The following EFNA5 variants were observed in gnomAD, a reference collection of about 807,000 sequenced individuals.
The protein encoded by EFNA5 is ephrin A5.
EFNA5 carries 5 observed loss-of-function variants against 22.9 expected under a neutral mutation model. That is an observed-to-expected ratio of 0.22 (90% CI 0.11 to 0.46). EFNA5 has a LOEUF of 0.46. Ranked by LOEUF, EFNA5 falls within the 20% of genes least tolerant of loss-of-function variation. The pLI is 0.99. For missense variants in EFNA5, 237 were observed against 293.3 expected, an observed-to-expected ratio of 0.81 and a Z score of 1.40; for synonymous variants, 113 against 112.2, an observed-to-expected ratio of 1.01 and a Z score of -0.04.
chr5:107,502,390 G>A (rs776733743), intron 1 of EFNA5, among the ~76,000 whole-genome samples: 3 of 152,094 alleles, frequency 2.0e-5, no homozygotes, highest in Non-Finnish European at 4.4e-5. Context: ...ACTGTTCCTC[G>A]ACATTCTGAA....
chr5:107,659,706 T>C (rs1043619509), intron 1 of EFNA5, among the ~76,000 whole-genome samples: 6 of 151,806 alleles, frequency 4.0e-5, no homozygotes, highest in African/African-American at 7.3e-5. Context: ...GCAAAAGACG[T>C]AATGATAATA....
chr5:107,613,991 A>T (rs1561449759), intron 1 of EFNA5, among the ~76,000 whole-genome samples: 1 of 152,180 alleles, frequency 6.6e-6, no homozygotes, highest in Non-Finnish European at 1.5e-5. Context: ...AAATCCTAAA[A>T]GCAGTTTATC....
In EFNA5 at chr5:107,505,173, C is replaced by T. The variant is rs114214540; in HGVS notation, c.126-77664G>A. Among the ~76,000 whole-genome samples, 1,049 of 152,162 alleles carry T rather than the reference C, an allele frequency of 6.9e-3. 16 individuals carry two copies. Among genetic ancestry groups the T allele is most frequent in the African/African-American group, 0.024 (987 of 41,530 alleles). On this transcript the variant is annotated intron_variant, in intron 1 of 4. Transcript: ENST00000333274. Reference sequence around the variant, plus strand: ...CTGTTATATGTTAAGTAAAAATATTCGTAGTTTATAATTTGTGAAGCAGTA... The same window carrying T: ...CTGTTATATGTTAAGTAAAAATATTTGTAGTTTATAATTTGTGAAGCAGTA...
intron 1 of EFNA5, among the ~76,000 whole-genome samples, chr5:107,646,816 T>G (rs1750640611): frequency 6.6e-6 from 1 of 152,254 alleles, no homozygotes; most frequent in East Asian, 1.9e-4. Flanking sequence ...ACAAATAAAT[T>G]TTTTTAAAGC....
chr5:107,607,922 C>T lies in EFNA5; in HGVS notation c.125+62567G>A, dbSNP rs972976945. Among the ~76,000 whole-genome samples the T allele has an allele frequency of 3.3e-5, 5 of 152,248 alleles. No individual in the cohort carries two copies. In the East Asian group the frequency reaches 9.7e-4, roughly 29 times the overall value. On this transcript the variant is annotated intron_variant, in intron 1 of 4. Transcript: ENST00000333274. ...CTCTCATAACCTTCCAAAGCTGCCA[C>T]CTTCACAATAAAATGCAGATAAGCT...
chr5:107,426,818 G>A (rs1748820955), intron 2 of EFNA5, among the ~76,000 whole-genome samples: 2 of 152,158 alleles, frequency 1.3e-5, no homozygotes, highest in Admixed American at 6.5e-5. Context: ...CTGAAAATGT[G>A]GAAGATTGAA....
At chr5:107,476,057 T>TGTATACATATATATA in intron 1 of EFNA5, among the ~76,000 whole-genome samples, 2 of 100,436 alleles carry the variant, frequency 2.0e-5, no homozygotes, top group African/African-American at 1.0e-4. Context: ...TATATATATA[T>TGTATACATATATATA]TTTTTTTTTT....
intron 1 of EFNA5, among the ~76,000 whole-genome samples, chr5:107,507,330 T>C (rs1470763278): frequency 3.3e-5 from 5 of 152,196 alleles, no homozygotes. Flanking sequence ...CCTCTGCTGT[T>C]TTTCATAAAG....
chr5:107,450,543 C>A (rs932140190), intron 1 of EFNA5, among the ~76,000 whole-genome samples: 20 of 152,318 alleles, frequency 1.3e-4, no homozygotes, highest in Admixed American at 1.2e-3. Flanking sequence ...TGCTCAGTAA[C>A]TCCAATGTTT....
chr5:107,621,837 A>G (rs1201421918), intron 1 of EFNA5, among the ~76,000 whole-genome samples: 1 of 152,208 alleles, frequency 6.6e-6, no homozygotes, highest in African/African-American at 2.4e-5. Flanking sequence ...GTTGCTATTA[A>G]CATAAAAGAA....
chr5:107,661,304 C>T (rs1750954898), intron 1 of EFNA5, among the ~76,000 whole-genome samples: 1 of 152,116 alleles, frequency 6.6e-6, no homozygotes, highest in South Asian at 2.1e-4. Flanking sequence ...CATCCGGAAG[C>T]CACAAAAGCT....
In EFNA5 at chr5:107,661,069, TAAAAG is replaced by T. The variant is rs1490805113; in HGVS notation, c.125+9415_125+9419del. Among the ~76,000 whole-genome samples, 4 of 144,820 alleles carry T rather than the reference TAAAAG, an allele frequency of 2.8e-5. No individual in the cohort carries two copies. In the Admixed American group the frequency reaches 2.8e-4, roughly 10 times the overall value. ...ACTGGCGAGATTGCAGAGCAGAGGC[TAAAAG>T]AAAAGGCCTTTAACAAAACCACTGC... is the stretch of plus-strand genomic sequence containing the variant. On this transcript the variant is annotated intron_variant, in intron 1 of 4. Transcript: ENST00000333274.
At chr5:107,450,195 T>A (rs1451355936) in intron 1 of EFNA5, among the ~76,000 whole-genome samples, 1 of 152,080 alleles carries the variant, frequency 6.6e-6, no homozygotes, top group Non-Finnish European at 1.5e-5. Context: ...CACACAAAAA[T>A]TTTTTGGTCA....
chr5:107,521,976 A>C lies in EFNA5; in HGVS notation c.126-94467T>G, dbSNP rs571482443. ...CTGGATTAGTTAGGACTACAGGTAC[A>C]CCATCTTGCTAGGCATTTTATGCTT... On this transcript the variant is annotated intron_variant, in intron 1 of 4. Transcript: ENST00000333274. Among the ~76,000 whole-genome samples the C allele has an allele frequency of 2.4e-4, 37 of 152,248 alleles. No homozygotes were observed. In the South Asian group the frequency reaches 6.9e-3, roughly 28 times the overall value.
chr5:107,455,067 C>T (rs146956081), intron 1 of EFNA5, among the ~76,000 whole-genome samples: 1 of 152,196 alleles, frequency 6.6e-6, no homozygotes, highest in Non-Finnish European at 1.5e-5. Flanking sequence ...AAACCCTCAA[C>T]TGGTGCCTCC....
rs143994041 is a variant in EFNA5 at position 107,472,403 on chromosome 5, T to C, written c.126-44894A>G. Among the ~76,000 whole-genome samples, 1,000 of 152,282 alleles carry C rather than the reference T, an allele frequency of 6.6e-3. 8 individuals carry two copies. The highest frequency in any genetic ancestry group is 0.023 in the African/African-American group (964 of 41,558). On this transcript the variant is annotated intron_variant, in intron 1 of 4. Coordinates refer to ENST00000333274, the MANE Select transcript of EFNA5 (RefSeq NM_001962.3). Reference sequence around the variant, plus strand: ...TTAATAGTATTAGTGATGATAAAAATTGTAACACTTTGGATGTTAAAAACA... The same window carrying C: ...TTAATAGTATTAGTGATGATAAAAACTGTAACACTTTGGATGTTAAAAACA...
chr5:107,525,761 G>A (rs1747683294), intron 1 of EFNA5, among the ~76,000 whole-genome samples: 1 of 152,056 alleles, frequency 6.6e-6, no homozygotes, highest in African/African-American at 2.4e-5. Context: ...GGATGGCAGA[G>A]GCAGAAGAGG....
chr5:107,511,002 TTGTGTGTGTGTGTGTGTG>T (rs71644591), intron 1 of EFNA5, among the ~76,000 whole-genome samples: 1 of 140,300 alleles, frequency 7.1e-6, no homozygotes, highest in Admixed American at 7.2e-5. Flanking sequence ...TTCTTTTTCT[TTGTGTGTGTGTGTGTGTG>T]TGTGTGTGTG....
intron 2 of EFNA5, among the ~76,000 whole-genome samples, chr5:107,395,820 T>C (rs367763726): frequency 2.6e-5 from 4 of 152,184 alleles, no homozygotes; most frequent in Admixed American, 1.3e-4. Context: ...AAACCTCTTC[T>C]TCAGATGGAA....
Sources: gnomAD v4.1 joint callset for allele counts (sites outside exome capture counted in the v4.1 genomes callset) on GRCh38, gnomAD v4.1.1 for gene constraint, MANE v1.5 for transcripts, NCBI Gene and HGNC (gene_info 2026-07-23, HGNC 2026-07-21) for gene names.